The following NTAQ1 variants were observed in gnomAD, a reference collection of about 807,000 sequenced individuals.
The protein encoded by NTAQ1 is protein N-terminal glutamine amidohydrolase.
NTAQ1 carries 21 observed loss-of-function variants against 28.2 expected under a neutral mutation model. The observed-to-expected ratio is 0.74, with a 90% CI of 0.53 to 1.07. The LOEUF (loss-of-function observed/expected upper bound fraction) is 1.07, where lower values mean the gene tolerates loss of function less well. Ranked by LOEUF, NTAQ1 falls within the 50% of genes least tolerant of loss-of-function variation. The pLI, the probability that NTAQ1 is intolerant of heterozygous loss-of-function variation, is 0.00. For missense variants in NTAQ1, 264 were observed against 256.6 expected (o/e 1.03, Z -0.20); for synonymous variants, 105 against 90.0 (o/e 1.17, Z -0.94).
At chr8:123,462,571 G>A (rs1815854899) in intron 6 of NTAQ1, among the ~76,000 whole-genome samples, 1 of 152,154 alleles carries the variant, frequency 6.6e-6, no homozygotes, top group Non-Finnish European at 1.5e-5. Flanking sequence ...TAGACCATGT[G>A]CCAAGCCCCA....
intron 2 of NTAQ1, among the ~76,000 whole-genome samples, chr8:123,429,659 G>A (rs1447189667): frequency 6.6e-6 from 1 of 152,108 alleles, no homozygotes; most frequent in Non-Finnish European, 1.5e-5. Context: ...GAGATCAGGA[G>A]TTCGAGACCA....
At chr8:123,467,903 C>G (rs1305184068) in exon 7 of NTAQ1, among the ~76,000 whole-genome samples, 1 of 152,194 alleles carries the variant, frequency 6.6e-6, no homozygotes, top group Non-Finnish European at 1.5e-5. Flanking sequence ...GCGCCAGCCA[C>G]CACTCCCCGC....
downstream of NTAQ1, among the ~76,000 whole-genome samples, chr8:123,450,204 G>A (rs1815448966): frequency 6.6e-6 from 1 of 151,192 alleles, no homozygotes; most frequent in African/African-American, 2.4e-5. Flanking sequence ...GAGAAAACAA[G>A]GATGCCCAAA....
downstream of NTAQ1, among the ~76,000 whole-genome samples, chr8:123,473,405 C>T (rs994745927): frequency 1.3e-5 from 2 of 151,576 alleles, no homozygotes; most frequent in Non-Finnish European, 2.9e-5. Flanking sequence ...AACCAATTCT[C>T]CTGCCTCAGC....
At chr8:123,472,746 C>T (rs1436267820), downstream of NTAQ1, among the ~76,000 whole-genome samples, 1 of 152,222 alleles carries the variant, frequency 6.6e-6, no homozygotes, top group African/African-American at 2.4e-5. Context: ...TCTGGATAGA[C>T]ATGCATTTTG....
chr8:123,423,566 C>G (rs1194564447), intron 1 of NTAQ1, among the ~76,000 whole-genome samples: 1 of 152,038 alleles, frequency 6.6e-6, no homozygotes, highest in African/African-American at 2.4e-5. Context: ...GCTACTGCAC[C>G]CCACCTACAG....
At chr8:123,452,696 A>G (rs7838923), downstream of NTAQ1, among the ~76,000 whole-genome samples, 136,181 of 151,442 alleles carry the variant, frequency 0.9, 61,411 homozygotes, top group East Asian at 0.99. Flanking sequence ...GAGGTCAGGC[A>G]TTTGAGACCA....
chr8:123,430,432 A>G (rs2130241702), intron 3 of NTAQ1, among the ~76,000 whole-genome samples: 1 of 152,320 alleles, frequency 6.6e-6, no homozygotes, highest in Non-Finnish European at 1.5e-5. Context: ...ACTTGAGGCC[A>G]GGAGTTCAAG....
At chr8:123,460,874 T>C (rs1240105763) in intron 6 of NTAQ1, among the ~76,000 whole-genome samples, 4 of 152,192 alleles carry the variant, frequency 2.6e-5, no homozygotes, top group Non-Finnish European at 5.9e-5. Context: ...AATAATAACA[T>C]GCGCCAGCAT....
chr8:123,430,005 C>A lies in NTAQ1; in HGVS notation c.206C>A (p.Ala69Glu), dbSNP rs142035420. The change falls in exon 3 of 6, where the codon GCG becomes GAG. Residue 69 changes from alanine (A) to glutamate (E), a missense_variant. By Grantham distance (107) the Ala-to-Glu change is moderately radical. Coordinates refer to ENST00000287387, the MANE Select transcript of NTAQ1 (RefSeq NM_018024.3). ...RKMIPIWKQQ[A>E]RPGDGPVIWD... Reference sequence around the variant, plus strand: ...TAGATACCTATCTGGAAACAACAGGCGAGACCTGGAGATGGACCTGTGATC... The same window carrying A: ...TAGATACCTATCTGGAAACAACAGGAGAGACCTGGAGATGGACCTGTGATC... 5.0e-6 allele frequency: 8 copies of A among 1,612,188 alleles called. No individual in the cohort carries two copies. The highest frequency in any genetic ancestry group is 1.6e-4 in the Middle Eastern group (1 of 6,076).
intron 1 of NTAQ1, among the ~76,000 whole-genome samples, chr8:123,425,530 G>A (rs1814002736): frequency 6.9e-6 from 1 of 145,972 alleles, no homozygotes; most frequent in Non-Finnish European, 1.5e-5. Flanking sequence ...AGTTATTTTA[G>A]AGAAAAGGAA....
intron 5 of NTAQ1, 122 bp from the exon 6 acceptor site, chr8:123,441,184 G>A: frequency 1.4e-6 from 1 of 694,766 alleles, no homozygotes; most frequent in Non-Finnish European, 2.4e-6. Context: ...AACCACAGAA[G>A]TGACATTGAG....
downstream of NTAQ1, among the ~76,000 whole-genome samples, chr8:123,444,848 A>G (rs967168279): frequency 3.3e-5 from 5 of 152,180 alleles, no homozygotes; most frequent in African/African-American, 1.2e-4. Flanking sequence ...AGCAACAGAA[A>G]CAGAGTATCT....
chr8:123,464,553 C>G lies in NTAQ1; in HGVS notation c.373-2526C>G, dbSNP rs202091889. ...ACTCTCCCTCCCCAGGGGTAAGGGC[C>G]AGGAGTGCTACCACCTTCACCTCAA... On this transcript the variant is annotated intron_variant, in intron 6 of 6. Transcript: ENST00000650311. Among the ~76,000 whole-genome samples the G allele has an allele frequency of 5.3e-5, 8 of 152,252 alleles. No homozygotes were observed. The East Asian group carries it at 1.5e-3, about 29-fold the overall frequency.
rs999308867 is a variant in NTAQ1, at chr8:123,435,447, C to T, written c.235-1006C>T. The T allele has an allele frequency of 1.7e-5, 17 of 985,232 alleles. No individual in the cohort carries two copies. The Admixed American group carries it at 3.1e-4, about 18-fold the overall frequency. 61.0% of individuals were successfully genotyped at this position (985,232 alleles called of 1,614,324 possible). A position where few individuals can be genotyped will look rare whatever the true frequency, so the allele number is the denominator to read the frequency against. On this transcript the variant is annotated intron_variant, in intron 3 of 5. Coordinates refer to ENST00000287387, the MANE Select transcript of NTAQ1 (RefSeq NM_018024.3). ...GTCCTCCTTCTCCTCTCCAGGCTGA[C>T]CCCCAGAAGCCTCCTTTGTTACTAG...
downstream of NTAQ1, among the ~76,000 whole-genome samples, chr8:123,473,669 T>C (rs1302820897): frequency 6.6e-6 from 1 of 152,204 alleles, no homozygotes; most frequent in Non-Finnish European, 1.5e-5. Flanking sequence ...ATGTAGCACA[T>C]ATATTCAACA....
At position 123,429,768 on chromosome 8, in the gene NTAQ1, T is replaced by A. The variant is rs533150262; in HGVS notation, c.184-215T>A. The stretch of plus-strand genomic sequence containing the variant: ...GGTGGCACACGCCTGTAATCCCAGC[T>A]ACTTGGGAAACTGAGGCAGGAGAAT... On this transcript the variant is annotated intron_variant, in intron 2 of 5. Transcript: ENST00000287387. 2.4e-3 allele frequency among the ~76,000 whole-genome samples: 363 copies of A among 151,594 alleles called. 1 individual carries two copies. Among genetic ancestry groups the A allele is most frequent in the African/African-American group, 8.4e-3 (346 of 41,286 alleles).
At chr8:123,438,140 A>G (rs973597618) in intron 5 of NTAQ1, 3 of 701,772 alleles carry the variant, frequency 4.3e-6, no homozygotes, top group Admixed American at 4.0e-5. Flanking sequence ...TTAGGCATCA[A>G]TCCAGTTGAT....
chr8:123,426,085 G>A (rs867199949), intron 1 of NTAQ1, among the ~76,000 whole-genome samples: 7 of 152,216 alleles, frequency 4.6e-5, no homozygotes, highest in South Asian at 2.1e-4. Flanking sequence ...TGTGAACAGA[G>A]TGTTAGTGTA....
Sources: allele counts gnomAD v4.1 joint callset (sites outside exome capture counted in the v4.1 genomes callset), GRCh38; gene constraint gnomAD v4.1.1; transcripts MANE v1.5; gene names NCBI Gene and HGNC (gene_info 2026-07-23, HGNC 2026-07-21).